HSF5: variants seen among roughly 807,000 people sequenced by gnomAD.
HSF5 encodes heat shock transcription factor 5.
HSF5 carries 5 observed loss-of-function variants against 50.8 expected under a neutral mutation model. The observed-to-expected ratio is 0.10, with a 90% CI of 0.05 to 0.21. The LOEUF is 0.21. Ranked by LOEUF, HSF5 falls within the 10% of genes least tolerant of loss-of-function variation. The pLI is 1.00. For synonymous variants in HSF5, 307 were observed against 307.4 expected, an observed-to-expected ratio of 1.00 and a Z score of 0.02; for missense variants, 564 against 762.6, an observed-to-expected ratio of 0.74 and a Z score of 3.07.
chr17:58,470,900 T>TG (rs1277112286), intron 2 of HSF5, among the ~76,000 whole-genome samples: 1 of 152,200 alleles, frequency 6.6e-6, no homozygotes, highest in African/African-American at 2.4e-5. Flanking sequence ...CACTCCAGCC[T>TG]GGGTGACAGA....
chr17:58,457,269 A>T lies in HSF5; in HGVS notation c.1720+1499T>A, dbSNP rs189794011. On this transcript the variant is annotated intron_variant, in intron 5 of 5. Transcript: ENST00000323777. ...AGCAAGACTCTGTCTCAGAAAAAAA[A>T]AATAATAATAATAATAAAGAAAAGG... is the stretch of plus-strand genomic sequence containing the variant. 9.2e-3 allele frequency among the ~76,000 whole-genome samples: 1,392 copies of T among 150,710 alleles called. 12 individuals are homozygous for T. Among genetic ancestry groups the T allele is most frequent in the Admixed American group, 0.013 (194 of 15,128 alleles).
At chr17:58,427,082 T>C (rs1389865157) in intron 5 of HSF5, among the ~76,000 whole-genome samples, 1 of 151,962 alleles carries the variant, frequency 6.6e-6, no homozygotes, top group East Asian at 1.9e-4. Context: ...TGAAACCCTG[T>C]CTCTATAAAA....
chr17:58,446,539 G>T (rs2680713), intron 5 of HSF5, among the ~76,000 whole-genome samples: 22,485 of 152,046 alleles, frequency 0.15, 2,031 homozygotes, highest in Middle Eastern at 0.21. Flanking sequence ...CATGGAAGGG[G>T]CATTCAGATC....
At chr17:58,481,323 C>T (rs1173395362) in intron 1 of HSF5, among the ~76,000 whole-genome samples, 1 of 152,064 alleles carries the variant, frequency 6.6e-6, no homozygotes, top group Non-Finnish European at 1.5e-5. Context: ...GATTCTGATA[C>T]TTGTCTTCTC....
chr17:58,488,348 G>A lies in HSF5; in HGVS notation c.-74C>T. On this transcript the variant is annotated 5_prime_UTR_variant, in exon 1 of 6. Coordinates refer to ENST00000323777, the MANE Select transcript of HSF5 (RefSeq NM_001080439.3). The surrounding 1 kb of genome is among the most constrained non-coding windows in gnomAD (Gnocchi z 4.1). The stretch of plus-strand genomic sequence containing the variant: ...CGTTCTCGATCCCTCCCCGGCCTTC[G>A]CCTCGCCCTGCCCGCTCCTGCCGGC... 3 of 1,358,168 alleles carry A rather than the reference G, an allele frequency of 2.2e-6. No individual in the cohort carries two copies. The highest frequency in any genetic ancestry group is 2.8e-6 in the Non-Finnish European group (3 of 1,063,006). The allele number at this position is 1,358,168 out of a possible 1,614,324, so 84.1% of individuals were successfully genotyped here.
chr17:58,471,917 G>A lies in HSF5; in HGVS notation c.926-4938C>T, dbSNP rs772932732. On this transcript the variant is annotated intron_variant, in intron 2 of 5. Coordinates refer to ENST00000323777, the MANE Select transcript of HSF5 (RefSeq NM_001080439.3). ...TGCCGAGGCGGGAGTGCAGTGGCGC[G>A]ATCTCAGCTCACTGCAGCCTCGGCC... Among the ~76,000 whole-genome samples, 56 of 152,108 alleles carry A rather than the reference G, an allele frequency of 3.7e-4. 1 individual carries two copies. Among genetic ancestry groups the A allele is most frequent in the African/African-American group, 5.3e-4 (22 of 41,500 alleles).
At chr17:58,468,797 A>G (rs1974906835) in intron 2 of HSF5, among the ~76,000 whole-genome samples, 1 of 152,170 alleles carries the variant, frequency 6.6e-6, no homozygotes, top group Admixed American at 6.5e-5. Flanking sequence ...ATTATAGTTC[A>G]GACATAAATA....
chr17:58,468,630 A>T (rs931029877), intron 2 of HSF5, among the ~76,000 whole-genome samples: 1 of 152,306 alleles, frequency 6.6e-6, no homozygotes, highest in Middle Eastern at 3.4e-3. Context: ...TTTTTAAAAA[A>T]TAGCCGAAAT....
intron 2 of HSF5, among the ~76,000 whole-genome samples, chr17:58,475,903 T>A (rs796353732): frequency 6.6e-6 from 1 of 152,146 alleles, no homozygotes; most frequent in Non-Finnish European, 1.5e-5. Flanking sequence ...AAAATGAATT[T>A]CGAACAGAAA....
At chr17:58,485,245 G>A (rs1270657741) in intron 1 of HSF5, among the ~76,000 whole-genome samples, 7 of 151,880 alleles carry the variant, frequency 4.6e-5, no homozygotes, top group South Asian at 2.1e-4. Flanking sequence ...GAGCCACCAC[G>A]CCCGGCCCCA....
chr17:58,460,514 C>CT lies in HSF5; in HGVS notation c.1543-1570dup, dbSNP rs775883313. The stretch of plus-strand genomic sequence containing the variant: ...ACACACACACACACACACACACATA[C>CT]TTTTTTTTTTTTTGAGACGGAGTCT... On this transcript the variant is annotated intron_variant, in intron 4 of 5. Coordinates refer to ENST00000323777, the MANE Select transcript of HSF5 (RefSeq NM_001080439.3). Among the ~76,000 whole-genome samples, 133 of 109,796 alleles carry CT rather than the reference C, an allele frequency of 1.2e-3. 4 individuals are homozygous for CT. Among genetic ancestry groups the CT allele is most frequent in the African/African-American group, 2.9e-3 (90 of 30,566 alleles). 72.0% of individuals were successfully genotyped at this position (109,796 alleles called of 152,430 possible).
intron 5 of HSF5, among the ~76,000 whole-genome samples, chr17:58,439,595 C>T (rs1318887061): frequency 6.6e-6 from 1 of 152,142 alleles, no homozygotes; most frequent in African/African-American, 2.4e-5. Context: ...AGCAATTCTC[C>T]TGCCTTAGCC....
At chr17:58,440,445 G>A (rs989514811) in intron 5 of HSF5, among the ~76,000 whole-genome samples, 2 of 152,172 alleles carry the variant, frequency 1.3e-5, no homozygotes, top group Admixed American at 1.3e-4. Flanking sequence ...AATTGCCAGT[G>A]ACCCCAATTG....
intron 5 of HSF5, among the ~76,000 whole-genome samples, chr17:58,422,694 C>CTTTTTTT (rs34142135): frequency 8.0e-6 from 1 of 125,198 alleles, no homozygotes; most frequent in Non-Finnish European, 1.7e-5. Flanking sequence ...CCTCAGTTGC[C>CTTTTTTT]TTTTTTTTTT....
At chr17:58,440,641 C>T (rs1974487454) in intron 5 of HSF5, among the ~76,000 whole-genome samples, 1 of 152,108 alleles carries the variant, frequency 6.6e-6, no homozygotes, top group African/African-American at 2.4e-5. Flanking sequence ...TGAAAGAGAC[C>T]TGTGGAAACT....
rs192646643 is a variant in HSF5 at position 58,443,927 on chromosome 17, G to A, written c.1720+14841C>T. ...TTCTGGCCTTAGCAGTTCTTACAAG[G>A]AGAATGTATTTGTGCACTGTTTGTG... On this transcript the variant is annotated intron_variant, in intron 5 of 5. Coordinates refer to ENST00000323777, the MANE Select transcript of HSF5 (RefSeq NM_001080439.3). 3.3e-5 allele frequency among the ~76,000 whole-genome samples: 5 copies of A among 152,324 alleles called. No homozygotes were observed. In the East Asian group the frequency reaches 7.7e-4, roughly 23 times the overall value.
chr17:58,455,442 G>A (rs528787198), intron 5 of HSF5, among the ~76,000 whole-genome samples: 147 of 152,106 alleles, frequency 9.7e-4, no homozygotes, highest in Middle Eastern at 6.8e-3. Context: ...ATAAGACCTC[G>A]AAAGCACAGG....
chr17:58,478,754 T>G (rs1055347166), intron 2 of HSF5, among the ~76,000 whole-genome samples: 2 of 149,264 alleles, frequency 1.3e-5, no homozygotes, highest in African/African-American at 4.9e-5. Context: ...TCCCAGCTAC[T>G]CAGGAGGCTG....
At position 58,487,808 on chromosome 17, in the gene HSF5, A is replaced by C. The variant is rs1200048073; in HGVS notation, c.467T>G (p.Leu156Arg). The change falls in exon 1 of 6, where the codon CTC becomes CGC. Residue 156 changes from leucine (L) to arginine (R), a missense_variant. Around this residue, in one of 5 missense-constraint regions of HSF5, gnomAD observed 21 missense variants for 75.9 expected, o/e 0.28. Coordinates refer to ENST00000323777, the MANE Select transcript of HSF5 (RefSeq NM_001080439.3). The stretch of plus-strand genomic sequence containing the variant: ...GGTGGCGGCGGAGGCCGAGGTGATG[A>C]GCAGCCGCTGGAAGCGGTTGGGCGG... Reference protein sequence around the residue: ...CRPPNRFQRLLITSASAATAP... With the variant: ...CRPPNRFQRLRITSASAATAP... 1.9e-6 allele frequency: 3 copies of C among 1,556,870 alleles called. No individual in the cohort carries two copies. Among genetic ancestry groups the C allele is most frequent in the Non-Finnish European group, 2.6e-6 (3 of 1,161,224 alleles).
Sources: gnomAD v4.1 joint callset for allele counts (sites outside exome capture counted in the v4.1 genomes callset) on GRCh38, gnomAD v4.1.1 for gene constraint, gnomAD v4.1.1 regional missense constraint, Gnocchi (gnomAD v3.1) non-coding constraint, MANE v1.5 for transcripts, NCBI Gene and HGNC (gene_info 2026-07-23, HGNC 2026-07-21) for gene names.